The following BTF3L4 variants were observed in gnomAD, a reference collection of about 807,000 sequenced individuals.
BTF3L4 encodes the protein transcription factor BTF3 homolog 4.
In BTF3L4, 6 loss-of-function variants were observed where a neutral mutation model predicts 16.8. That is an observed-to-expected ratio of 0.36 (90% CI 0.20 to 0.71). The LOEUF (loss-of-function observed/expected upper bound fraction) is 0.71. Among genes scored for constraint, BTF3L4 ranks in the 30% least tolerant of loss-of-function variants. The probability of loss-of-function intolerance (pLI) is 0.58; values close to 1 mark genes in which losing one functional copy is unlikely to be tolerated. For synonymous variants in BTF3L4, 39 were observed against 59.8 expected (o/e 0.65, Z 1.60); for missense variants, 92 against 186.9 (o/e 0.49, Z 2.96).
At chr1:52,080,534 T>G (rs1203326539) in intron 3 of BTF3L4, among the ~76,000 whole-genome samples, 46 of 127,314 alleles carry the variant, frequency 3.6e-4, no homozygotes, top group African/African-American at 1.2e-3. Flanking sequence ...TTTTTTTTTT[T>G]TTTTTTTTTT....
At position 52,084,801 on chromosome 1, in the gene BTF3L4, A is replaced by AC. The variant is rs1572033489; in HGVS notation, c.370+1260_370+1261insC. ...GGGGGGAGACCCTGTCTCTAAAAAA[A>AC]AAAAAAGAAAAAAGAAAATAATGTT... On this transcript the variant is annotated intron_variant, in intron 4 of 5. Transcript: ENST00000313334. Among the ~76,000 whole-genome samples, 3 of 151,716 alleles carry AC rather than the reference A, an allele frequency of 2.0e-5. No homozygotes were observed. In the East Asian group the frequency reaches 5.8e-4, roughly 29 times the overall value.
chr1:52,064,684 G>C (rs996186808), intron 2 of BTF3L4, 141 bp from the exon 3 acceptor site: 4 of 500,120 alleles, frequency 8.0e-6, no homozygotes, highest in African/African-American at 8.0e-5. Flanking sequence ...CACAACCTCT[G>C]AGAAGTCTTA....
At chr1:52,071,180 A>G (rs918148644) in intron 3 of BTF3L4, 4 of 152,210 alleles carry the variant, frequency 2.6e-5, no homozygotes, top group Non-Finnish European at 4.4e-5. Flanking sequence ...TTTATTTGGT[A>G]AGAAGTGTAA....
At chr1:52,064,645 C>G (rs1262597178) in intron 2 of BTF3L4, among the ~76,000 whole-genome samples, 180 bp from the exon 3 acceptor site, 2 of 152,140 alleles carry the variant, frequency 1.3e-5, no homozygotes, top group East Asian at 3.8e-4. Flanking sequence ...CTAGAACCAA[C>G]CTTTAGAAAT....
intron 2 of BTF3L4, 126 bp from the exon 3 acceptor site, chr1:52,064,699 A>G: frequency 1.8e-6 from 1 of 559,546 alleles, no homozygotes; most frequent in South Asian, 2.6e-5. Flanking sequence ...GTCTTATAAC[A>G]TTAATCATTA....
intron 3 of BTF3L4, among the ~76,000 whole-genome samples, chr1:52,073,955 T>G (rs964687703): frequency 1.3e-5 from 2 of 151,764 alleles, no homozygotes; most frequent in African/African-American, 4.8e-5. Context: ...TGAGATCGTG[T>G]CACTGCACTG....
At chr1:52,060,731 G>A in intron 2 of BTF3L4, 1 of 598,584 alleles carries the variant, frequency 1.7e-6, no homozygotes, top group Non-Finnish European at 2.1e-6. Flanking sequence ...CAGTTCCTGG[G>A]GATGAGCACA....
rs765161559 is a variant in BTF3L4, at chr1:52,086,784, G to A, written c.*26G>A. On this transcript the variant is annotated 3_prime_UTR_variant, in exon 6 of 6. Transcript: ENST00000313334. ...AAGTTTGGTTTTTGGAAGCTGGCAT[G>A]GACTAGATTTAACAAATCAGCTATG... 26 of 1,553,162 alleles carry A rather than the reference G, an allele frequency of 1.7e-5. No homozygotes were observed. The Middle Eastern group carries it at 6.8e-4, about 41-fold the overall frequency.
chr1:52,074,489 G>A (rs758894220), intron 3 of BTF3L4, among the ~76,000 whole-genome samples: 12 of 151,592 alleles, frequency 7.9e-5, no homozygotes, highest in East Asian at 5.8e-4. Context: ...TCAGCCTCCC[G>A]AGTAGCTGGG....
At chr1:52,063,906 T>G (rs1165836084) in intron 2 of BTF3L4, among the ~76,000 whole-genome samples, 1 of 152,246 alleles carries the variant, frequency 6.6e-6, no homozygotes, top group Non-Finnish European at 1.5e-5. Context: ...GCCTCCTGAC[T>G]GGTCTCTTTA....
In BTF3L4 at chr1:52,088,134, T is replaced by C. The variant is rs1643988403; in HGVS notation, c.*1376T>C. ...ATTTAAGGACAAAATTTAGAAAATA[T>C]ATCATTTCCTGGCCCATCATCAAAC... On this transcript the variant is annotated 3_prime_UTR_variant, in exon 6 of 6. Coordinates refer to ENST00000313334, the MANE Select transcript of BTF3L4 (RefSeq NM_152265.5). 1 of 152,586 alleles carries C rather than the reference T, an allele frequency of 6.6e-6. No homozygotes were observed. Among genetic ancestry groups the C allele is most frequent in the South Asian group, 2.1e-4 (1 of 4,828 alleles). 9.5% of individuals were successfully genotyped at this position (152,586 alleles called of 1,614,324 possible). A position where few individuals can be genotyped will look rare whatever the true frequency, so the allele number is the denominator to read the frequency against.
intron 1 of BTF3L4, among the ~76,000 whole-genome samples, chr1:52,058,360 A>G (rs947867809): frequency 2.2e-4 from 33 of 152,206 alleles, no homozygotes; most frequent in African/African-American, 7.7e-4. Context: ...ATAGATATAT[A>G]GGTTATTGCC....
At chr1:52,073,097 C>CT (rs1204612886) in intron 3 of BTF3L4, among the ~76,000 whole-genome samples, 1 of 151,952 alleles carries the variant, frequency 6.6e-6, no homozygotes, top group Non-Finnish European at 1.5e-5. Flanking sequence ...TGGTGCACGC[C>CT]TGTAATCCCA....
At chr1:52,084,560 G>C (rs190880345) in intron 4 of BTF3L4, among the ~76,000 whole-genome samples, 7 of 152,172 alleles carry the variant, frequency 4.6e-5, no homozygotes, top group Non-Finnish European at 1.0e-4. Context: ...GTGATGCTGA[G>C]GAGGGAGTAT....
intron 3 of BTF3L4, among the ~76,000 whole-genome samples, chr1:52,074,190 G>T (rs79235526): frequency 0.06 from 8,997 of 151,020 alleles, 498 homozygotes; most frequent in African/African-American, 0.14. Flanking sequence ...GTTTGGTTTG[G>T]TTTTTTTTGT....
At chr1:52,084,394 A>C (rs564134956) in intron 4 of BTF3L4, among the ~76,000 whole-genome samples, 3 of 152,082 alleles carry the variant, frequency 2.0e-5, no homozygotes, top group African/African-American at 7.2e-5. Flanking sequence ...CCACCTACCT[A>C]CCGCCTCCCA....
At chr1:52,084,794 T>TA (rs775717822) in intron 4 of BTF3L4, among the ~76,000 whole-genome samples, 12,577 of 139,450 alleles carry the variant, frequency 0.09, 1,524 homozygotes, top group African/African-American at 0.27. Context: ...ACCCTGTCTC[T>TA]AAAAAAAAAA....
chr1:52,072,915 A>G (rs868032212), intron 3 of BTF3L4, among the ~76,000 whole-genome samples: 25 of 152,302 alleles, frequency 1.6e-4, no homozygotes, highest in Non-Finnish European at 2.9e-4. Flanking sequence ...AAAATTAGCC[A>G]CGTGTGGTGG....
At position 52,087,368 on chromosome 1, in the gene BTF3L4, A is replaced by G. The variant is rs1241190660; in HGVS notation, c.*610A>G. The G allele has an allele frequency of 2.0e-5, 3 of 152,226 alleles. No individual in the cohort carries two copies. Among genetic ancestry groups the G allele is most frequent in the Admixed American group, 6.5e-5 (1 of 15,270 alleles). 9.4% of individuals were successfully genotyped at this position (152,226 alleles called of 1,614,324 possible). Reference sequence around the variant, plus strand: ...GAGTAATGGGTAACATATCTTTGGTATGGTTGCCTTAGATTAACTTACCTA... The same window carrying G: ...GAGTAATGGGTAACATATCTTTGGTGTGGTTGCCTTAGATTAACTTACCTA... On this transcript the variant is annotated 3_prime_UTR_variant, in exon 6 of 6. Coordinates refer to ENST00000313334, the MANE Select transcript of BTF3L4 (RefSeq NM_152265.5).
Sources: allele counts gnomAD v4.1 joint callset (sites outside exome capture counted in the v4.1 genomes callset), GRCh38; gene constraint gnomAD v4.1.1; transcripts MANE v1.5; gene names NCBI Gene and HGNC (gene_info 2026-07-23, HGNC 2026-07-21).